FRMD4B: variants seen among roughly 807,000 people sequenced by gnomAD.
FRMD4B encodes FERM domain containing 4B.
A neutral mutation model predicts 141.5 loss-of-function variants in FRMD4B; 74 were observed. The ratio of observed to expected loss-of-function variants is 0.52; its 90% CI spans 0.43 to 0.63. The LOEUF is 0.63. Among genes scored for constraint, FRMD4B ranks in the 30% least tolerant of loss-of-function variants. The pLI is 0.00. For missense variants in FRMD4B, 1,366 were observed against 1,253.4 expected (o/e 1.09, Z -1.36); for synonymous variants, 506 against 467.9 (o/e 1.08, Z -1.05).
At chr3:69,515,303 G>A (rs556001844) in intron 1 of FRMD4B, among the ~76,000 whole-genome samples, 58 of 152,242 alleles carry the variant, frequency 3.8e-4, no homozygotes, top group Non-Finnish European at 6.0e-4. Context: ...CACCTCCTAC[G>A]TCGGGGATTA....
intron 1 of FRMD4B, among the ~76,000 whole-genome samples, chr3:69,368,167 C>T (rs1271518190): frequency 1.3e-5 from 2 of 152,084 alleles, no homozygotes; most frequent in African/African-American, 4.8e-5. Context: ...CATTTAAACC[C>T]GACAACATCA....
At chr3:69,465,151 T>C (rs1050971106) in intron 1 of FRMD4B, among the ~76,000 whole-genome samples, 3 of 151,980 alleles carry the variant, frequency 2.0e-5, no homozygotes, top group Non-Finnish European at 2.9e-5. Context: ...AAACCCCGTC[T>C]CTACTAAAAA....
chr3:69,302,971 G>A (rs1409942177), intron 3 of FRMD4B, among the ~76,000 whole-genome samples: 3 of 152,216 alleles, frequency 2.0e-5, no homozygotes, highest in Non-Finnish European at 4.4e-5. Context: ...CTACCTGGGA[G>A]GCTGAGGCAG....
intron 1 of FRMD4B, among the ~76,000 whole-genome samples, chr3:69,498,973 AAAAT>A (rs756958111): frequency 6.6e-6 from 1 of 152,254 alleles, no homozygotes; most frequent in Non-Finnish European, 1.5e-5. Flanking sequence ...AATATCATGA[AAAAT>A]AAAACAGGAC....
intron 1 of FRMD4B, among the ~76,000 whole-genome samples, chr3:69,473,447 G>C (rs554680395): frequency 8.5e-5 from 13 of 152,256 alleles, no homozygotes; most frequent in African/African-American, 3.1e-4. Flanking sequence ...GCACGTATCT[G>C]AATCTCCATC....
Position 69,530,601 on chromosome 3 carries a change from T to C in FRMD4B, c.-129+11605A>G, listed in dbSNP as rs547993363. On this transcript the variant is annotated intron_variant, in intron 1 of 5. Transcript: ENST00000459638. Reference sequence around the variant, plus strand: ...TTACCCAGCCTCAGGTATACCTTTATAGCAACACAAAATGAACTAAGACGT... The same window carrying C: ...TTACCCAGCCTCAGGTATACCTTTACAGCAACACAAAATGAACTAAGACGT... 4.5e-4 allele frequency among the ~76,000 whole-genome samples: 69 copies of C among 152,172 alleles called. 1 individual carries two copies. The highest frequency in any genetic ancestry group is 2.5e-3 in the East Asian group (13 of 5,186).
At chr3:69,488,427 C>T (rs1291811207) in intron 1 of FRMD4B, among the ~76,000 whole-genome samples, 3 of 152,194 alleles carry the variant, frequency 2.0e-5, no homozygotes, top group Admixed American at 6.5e-5. Context: ...CAGAGATAAA[C>T]TCTAACTTCT....
intron 11 of FRMD4B, among the ~76,000 whole-genome samples, chr3:69,205,130 A>T (rs1245662997): frequency 6.6e-6 from 1 of 151,668 alleles, no homozygotes; most frequent in East Asian, 1.9e-4. Flanking sequence ...AAAGAAAGCA[A>T]TTACAGCAGC....
chr3:69,449,833 A>T (rs187695612), intron 1 of FRMD4B, among the ~76,000 whole-genome samples: 3 of 152,330 alleles, frequency 2.0e-5, no homozygotes, highest in Admixed American at 2.0e-4. Context: ...ATTTTTAACA[A>T]TTTAAAATTG....
chr3:69,178,439 G>C (rs530627126), intron 21 of FRMD4B, among the ~76,000 whole-genome samples: 7 of 152,212 alleles, frequency 4.6e-5, no homozygotes, highest in African/African-American at 1.7e-4. Flanking sequence ...AGCACTTTGG[G>C]AGGCTGAGGT....
chr3:69,178,872 T>C (rs573480282), intron 21 of FRMD4B, among the ~76,000 whole-genome samples: 3 of 149,284 alleles, frequency 2.0e-5, no homozygotes, highest in South Asian at 2.1e-4. Context: ...AATAGGAGAG[T>C]GCATGTAATG....
At chr3:69,204,762 G>A (rs1014318209) in intron 11 of FRMD4B, among the ~76,000 whole-genome samples, 3 of 152,172 alleles carry the variant, frequency 2.0e-5, no homozygotes, top group African/African-American at 7.2e-5. Flanking sequence ...AACACCAACA[G>A]TGCCAGCTGG....
intron 11 of FRMD4B, among the ~76,000 whole-genome samples, chr3:69,209,143 C>CAAAA (rs372843775): frequency 3.1e-4 from 34 of 108,770 alleles, no homozygotes; most frequent in Admixed American, 2.9e-3. Context: ...GAATCCATCT[C>CAAAA]AAAAAAAAAA....
At chr3:69,538,937 A>G (rs1701124220) in intron 1 of FRMD4B, among the ~76,000 whole-genome samples, 1 of 152,262 alleles carries the variant, frequency 6.6e-6, no homozygotes, top group African/African-American at 2.4e-5. Flanking sequence ...GTAAAGGAAG[A>G]TACATGTAAG....
intron 1 of FRMD4B, among the ~76,000 whole-genome samples, chr3:69,376,367 T>C (rs567421141): frequency 2.0e-5 from 3 of 152,202 alleles, no homozygotes; most frequent in African/African-American, 2.4e-5. Context: ...AGTCCTAAAG[T>C]TTTTTATTCT....
At chr3:69,488,345 G>T (rs1290377043) in intron 1 of FRMD4B, among the ~76,000 whole-genome samples, 2 of 152,150 alleles carry the variant, frequency 1.3e-5, no homozygotes, top group Non-Finnish European at 1.5e-5. Flanking sequence ...TGCAACCAGA[G>T]CTTGGCTCTG....
chr3:69,450,488 C>G (rs12488148), intron 1 of FRMD4B, among the ~76,000 whole-genome samples: 38,292 of 152,052 alleles, frequency 0.25, 5,482 homozygotes, highest in East Asian at 0.45. Flanking sequence ...GGTGGTGGCT[C>G]ACACCACTAA....
At chr3:69,255,450 G>C (rs1251177331) in intron 5 of FRMD4B, among the ~76,000 whole-genome samples, 3 of 152,028 alleles carry the variant, frequency 2.0e-5, no homozygotes, top group Non-Finnish European at 4.4e-5. Context: ...GAGGTGGAGT[G>C]GGGAGGATCG....
At chr3:69,260,596 G>A (rs938326606) in intron 5 of FRMD4B, among the ~76,000 whole-genome samples, 4 of 152,378 alleles carry the variant, frequency 2.6e-5, no homozygotes, top group Admixed American at 2.0e-4. Context: ...CCCAATGGGC[G>A]CCGCCTGGTC....
Sources: gnomAD v4.1 joint callset for allele counts (sites outside exome capture counted in the v4.1 genomes callset) on GRCh38, gnomAD v4.1.1 for gene constraint, MANE v1.5 for transcripts, NCBI Gene and HGNC (gene_info 2026-07-23, HGNC 2026-07-21) for gene names.